ZSWIM7: variants seen among roughly 807,000 people sequenced by gnomAD.
ZSWIM7 encodes zinc finger SWIM-type containing 7.
In ZSWIM7, 22 loss-of-function variants were observed where a neutral mutation model predicts 21.1. The ratio of observed to expected loss-of-function variants is 1.04; its 90% confidence interval spans 0.74 to 1.49. ZSWIM7 has a LOEUF of 1.49. Among genes scored for constraint, ZSWIM7 ranks in the 40% most tolerant of loss-of-function variants. The probability of loss-of-function intolerance (pLI) is 0.00; values close to 1 mark genes in which losing one functional copy is unlikely to be tolerated. For synonymous variants in ZSWIM7, 67 were observed against 66.5 expected, an observed-to-expected ratio of 1.01 and a Z score of -0.04; for missense variants, 193 against 168.0, an observed-to-expected ratio of 1.15 and a Z score of -0.82.
In ZSWIM7 at chr17:15,979,153, G is replaced by A. The variant is rs553107618; in HGVS notation, c.307-990C>T. On this transcript the variant is annotated intron_variant, in intron 4 of 4. Coordinates refer to ENST00000399277, the MANE Select transcript of ZSWIM7 (RefSeq NM_001042697.2). ...CCCTGCGGCCTTCCGCAGTGTTTGTGTCCCTGGGTACTTGAGATTAGGGAG... is the reference window on the plus strand; with the variant it reads ...CCCTGCGGCCTTCCGCAGTGTTTGTATCCCTGGGTACTTGAGATTAGGGAG... Among the ~76,000 whole-genome samples the A allele has an allele frequency of 2.3e-4, 35 of 151,660 alleles. 2 individuals are homozygous for A. The highest frequency in any genetic ancestry group is 8.2e-4 in the African/African-American group (34 of 41,314).
rs575201411 is a variant in ZSWIM7 at position 15,997,535 on chromosome 17, TG to T, written c.76+1983del. Among the ~76,000 whole-genome samples the T allele has an allele frequency of 7.2e-5, 11 of 152,372 alleles. No homozygotes were observed. The East Asian group carries it at 2.1e-3, about 29-fold the overall frequency. ...CAAAAAGTAATCATAGCTTCCTACA[TG>T]GTTCCACTGTGACTAGTTTATATAT... is the stretch of plus-strand genomic sequence containing the variant. On this transcript the variant is annotated intron_variant, in intron 1 of 4. Transcript: ENST00000399277.
chr17:15,982,906 G>C (rs967120520), intron 3 of ZSWIM7, among the ~76,000 whole-genome samples: 2 of 152,056 alleles, frequency 1.3e-5, no homozygotes, highest in Non-Finnish European at 2.9e-5. Flanking sequence ...TCCCACCTTG[G>C]CCTCCCAAAG....
intron 1 of ZSWIM7, 164 bp downstream of exon 1, chr17:15,999,352 TTTG>T (rs1487174283): frequency 1.3e-5 from 12 of 946,886 alleles, no homozygotes; most frequent in Non-Finnish European, 1.8e-5. Flanking sequence ...ATTTCGCTTT[TTTG>T]TTGTTTTGTT....
At chr17:15,984,748 C>T (rs1970390616) in intron 3 of ZSWIM7, among the ~76,000 whole-genome samples, 1 of 152,124 alleles carries the variant, frequency 6.6e-6, no homozygotes, top group Admixed American at 6.6e-5. Flanking sequence ...AGTAGCCAAG[C>T]GAAAAATGTT....
Position 15,981,569 on chromosome 17 carries a change from A to G in ZSWIM7, c.202-425T>C, listed in dbSNP as rs533267173. ...TTTCTAAAGCTTCCTACATACCTAA[A>G]GAGAGAGTAAAAACAGGCAAAGGGT... On this transcript the variant is annotated intron_variant, in intron 3 of 4. Coordinates refer to ENST00000399277, the MANE Select transcript of ZSWIM7 (RefSeq NM_001042697.2). 4.6e-5 allele frequency among the ~76,000 whole-genome samples: 7 copies of G among 152,260 alleles called. No homozygotes were observed. In the South Asian group the frequency reaches 1.5e-3, roughly 32 times the overall value.
At chr17:15,988,684 A>G (rs896844267) in intron 2 of ZSWIM7, among the ~76,000 whole-genome samples, 1 of 152,030 alleles carries the variant, frequency 6.6e-6, no homozygotes, top group African/African-American at 2.4e-5. Context: ...AAAACACACA[A>G]AAAAGTGAAA....
At position 15,981,116 on chromosome 17, in the gene ZSWIM7, G is replaced by T. The variant is rs535548098; in HGVS notation, c.230C>A (p.Thr77Lys). ...QVLGSSSKTY[T>K]CLASCHYCSC... ...ACAGTAATGACAAGAAGCCAAACATGTGTATGTTTTACTGGAACTTCCAAG... is the reference window on the plus strand; with the variant it reads ...ACAGTAATGACAAGAAGCCAAACATTTGTATGTTTTACTGGAACTTCCAAG... The change falls in exon 4 of 5, where the codon ACA becomes AAA. Residue 77 changes from threonine to lysine, a missense_variant. Thr to Lys is a moderately conservative substitution (Grantham distance 78, BLOSUM62 -1). Coordinates refer to ENST00000399277, the MANE Select transcript of ZSWIM7 (RefSeq NM_001042697.2). The T allele has an allele frequency of 8.1e-6, 13 of 1,613,622 alleles. No homozygotes were observed. The highest frequency in any genetic ancestry group is 1.0e-5 in the Non-Finnish European group (12 of 1,179,690).
chr17:15,993,536 T>G (rs968403015), intron 2 of ZSWIM7, among the ~76,000 whole-genome samples: 3 of 151,868 alleles, frequency 2.0e-5, no homozygotes, highest in Non-Finnish European at 4.4e-5. Context: ...CCAGCTAATT[T>G]TTTGTATTTT....
At chr17:15,987,528 GAATT>G (rs1970428927) in intron 2 of ZSWIM7, among the ~76,000 whole-genome samples, 160 bp from the exon 3 acceptor site, 1 of 152,044 alleles carries the variant, frequency 6.6e-6, no homozygotes, top group Non-Finnish European at 1.5e-5. Context: ...TCACTCCCCA[GAATT>G]AATGTTAATA....
chr17:15,984,339 G>A (rs1970386857), intron 3 of ZSWIM7, among the ~76,000 whole-genome samples: 1 of 152,200 alleles, frequency 6.6e-6, no homozygotes, highest in Admixed American at 6.5e-5. Context: ...TCACCCTTCA[G>A]TGAAAAAACA....
chr17:15,983,446 T>C (rs61374610), intron 3 of ZSWIM7, among the ~76,000 whole-genome samples: 4,804 of 151,504 alleles, frequency 0.032, 254 homozygotes, highest in African/African-American at 0.11. Flanking sequence ...TGATGTGTTA[T>C]GAACATATCA....
intron 1 of ZSWIM7, among the ~76,000 whole-genome samples, chr17:15,995,878 CTT>C (rs1402329166): frequency 1.3e-5 from 2 of 149,518 alleles, no homozygotes; most frequent in African/African-American, 5.0e-5. Context: ...AAAAAAAAAA[CTT>C]TATCAGAAGA....
At chr17:15,978,564 C>A (rs1460072346) in intron 4 of ZSWIM7, among the ~76,000 whole-genome samples, 1 of 152,196 alleles carries the variant, frequency 6.6e-6, no homozygotes, top group Non-Finnish European at 1.5e-5. Flanking sequence ...CGCCACTGCA[C>A]TACAGCCTGG....
chr17:15,978,759 A>G (rs552570526), intron 4 of ZSWIM7, among the ~76,000 whole-genome samples: 1 of 152,168 alleles, frequency 6.6e-6, no homozygotes, highest in South Asian at 2.1e-4. Context: ...GACTACCTGC[A>G]CTCCTCACGT....
At chr17:15,982,677 G>A (rs567584563) in intron 3 of ZSWIM7, among the ~76,000 whole-genome samples, 36 of 152,182 alleles carry the variant, frequency 2.4e-4, no homozygotes, top group Middle Eastern at 3.4e-3. Context: ...TTGGAGACAG[G>A]ATGTTGTTCT....
intron 1 of ZSWIM7, among the ~76,000 whole-genome samples, chr17:15,998,522 T>C (rs150151887): frequency 3.0e-4 from 45 of 152,300 alleles, no homozygotes; most frequent in Middle Eastern, 3.4e-3. Context: ...AAGGTGGCCA[T>C]TTTTACATCC....
At chr17:15,996,247 G>A (rs190474968) in intron 1 of ZSWIM7, among the ~76,000 whole-genome samples, 232 of 152,226 alleles carry the variant, frequency 1.5e-3, no homozygotes, top group Non-Finnish European at 2.5e-3. Context: ...AGGGTGCGGT[G>A]AGCAGAGATT....
chr17:15,984,045 C>A (rs1970384303), intron 3 of ZSWIM7, among the ~76,000 whole-genome samples: 1 of 152,120 alleles, frequency 6.6e-6, no homozygotes, highest in Admixed American at 6.5e-5. Flanking sequence ...CTTCTTATTG[C>A]GAGTCCCCGT....
Position 15,999,676 on chromosome 17 carries a change from C to T in ZSWIM7, c.-82G>A, listed in dbSNP as rs561788137. The T allele has an allele frequency of 3.2e-6, 5 of 1,558,922 alleles. No individual in the cohort carries two copies. The highest frequency in any genetic ancestry group is 2.4e-5 in the East Asian group (1 of 41,644). On this transcript the variant is annotated 5_prime_UTR_variant, in exon 1 of 5. Transcript: ENST00000399277. ...TGCGCCTACCTGTGGAGGATCCTGA[C>T]CCCCCGCCGGGGCAGGGCGAGACGG...
Sources: gnomAD v4.1 joint callset for allele counts (sites outside exome capture counted in the v4.1 genomes callset) on GRCh38, gnomAD v4.1.1 for gene constraint, MANE v1.5 for transcripts, NCBI Gene and HGNC (gene_info 2026-07-23, HGNC 2026-07-21) for gene names.